DNAAF11: variants seen among roughly 807,000 people sequenced by gnomAD.
DNAAF11 encodes dynein axonemal assembly factor 11.
DNAAF11 carries 45 observed loss-of-function variants against 60.8 expected under a neutral mutation model. That is an observed-to-expected ratio of 0.74 (90% CI 0.58 to 0.95). The LOEUF is 0.95. Among genes scored for constraint, DNAAF11 ranks in the 40% least tolerant of loss-of-function variants. The pLI, the probability that DNAAF11 is intolerant of heterozygous loss-of-function variation, is 0.00. For synonymous variants in DNAAF11, 191 were observed against 183.5 expected (o/e 1.04, Z -0.33); for missense variants, 546 against 546.2 (o/e 1.00, Z 0.00).
intron 6 of DNAAF11, among the ~76,000 whole-genome samples, chr8:132,625,067 A>AT (rs1180984732): frequency 6.6e-6 from 1 of 152,214 alleles, no homozygotes; most frequent in Non-Finnish European, 1.5e-5. Context: ...CTAAAATGTC[A>AT]TAATTCATGA....
rs534473037 is a variant in DNAAF11 at position 132,584,271 on chromosome 8, T to C, written c.1141-492A>G. On this transcript the variant is annotated intron_variant, in intron 10 of 11. Coordinates refer to ENST00000620350, the MANE Select transcript of DNAAF11 (RefSeq NM_012472.6). ...AAAGGCCCCTTTTTGGTCTAAAAAG[T>C]CCTATAATTCTAATACTTTTAAAAC... Among the ~76,000 whole-genome samples, 6 of 152,280 alleles carry C rather than the reference T, an allele frequency of 3.9e-5. No individual in the cohort carries two copies. The South Asian group carries it at 1.0e-3, about 26-fold the overall frequency.
intron 3 of DNAAF11, among the ~76,000 whole-genome samples, chr8:132,644,108 T>G (rs1459695134): frequency 6.6e-6 from 1 of 152,146 alleles, no homozygotes; most frequent in Non-Finnish European, 1.5e-5. Context: ...AATACATATA[T>G]CAGCAAGCCT....
chr8:132,581,879 C>A (rs2733163), intron 11 of DNAAF11, among the ~76,000 whole-genome samples: 1 of 152,092 alleles, frequency 6.6e-6, no homozygotes, highest in African/African-American at 2.4e-5. Flanking sequence ...CAATAAATCC[C>A]TTCGTTTGGA....
Position 132,647,413 on chromosome 8 carries a change from C to G in DNAAF11, c.257-9306G>C, listed in dbSNP as rs958981637. Reference sequence around the variant, plus strand: ...AGCACTAAATGACCACAAGAGAAAGCAGAAAGATCTAAAATTGACACCCTA... The same window carrying G: ...AGCACTAAATGACCACAAGAGAAAGGAGAAAGATCTAAAATTGACACCCTA... On this transcript the variant is annotated intron_variant, in intron 3 of 11. Transcript: ENST00000620350. 3.9e-5 allele frequency among the ~76,000 whole-genome samples: 6 copies of G among 152,178 alleles called. No individual in the cohort carries two copies. The South Asian group carries it at 8.3e-4, about 21-fold the overall frequency.
chr8:132,652,056 C>G (rs189191404), intron 3 of DNAAF11, among the ~76,000 whole-genome samples: 1 of 152,192 alleles, frequency 6.6e-6, no homozygotes. Context: ...TCCATTTTTA[C>G]CCTAGTAGGC....
At chr8:132,600,317 G>A (rs1197417690) in intron 10 of DNAAF11, among the ~76,000 whole-genome samples, 1 of 152,144 alleles carries the variant, frequency 6.6e-6, no homozygotes, top group Non-Finnish European at 1.5e-5. Flanking sequence ...TGGATAGGAA[G>A]AATCAATATT....
chr8:132,632,373 G>T (rs2130449962), intron 5 of DNAAF11, among the ~76,000 whole-genome samples: 1 of 152,230 alleles, frequency 6.6e-6, no homozygotes, highest in African/African-American at 2.4e-5. Context: ...GTTTTATGAT[G>T]CAATTAGAAT....
chr8:132,655,159 G>A (rs1198252592), intron 3 of DNAAF11, among the ~76,000 whole-genome samples: 1 of 151,872 alleles, frequency 6.6e-6, no homozygotes, highest in Non-Finnish European at 1.5e-5. Flanking sequence ...GATAACCTAA[G>A]TGAAATAGAT....
At chr8:132,617,310 A>C (rs1819267792) in intron 7 of DNAAF11, among the ~76,000 whole-genome samples, 2 of 152,172 alleles carry the variant, frequency 1.3e-5, no homozygotes, top group African/African-American at 4.8e-5. Context: ...CAAAATCAAA[A>C]GGATCTGTCA....
intron 11 of DNAAF11, 94 bp downstream of exon 11, chr8:132,583,600 A>G (rs1460823243): frequency 4.3e-6 from 4 of 939,902 alleles, no homozygotes; most frequent in Non-Finnish European, 6.9e-6. Flanking sequence ...AGAACTTTAA[A>G]TAATTGTACA....
intron 7 of DNAAF11, among the ~76,000 whole-genome samples, chr8:132,620,425 C>A (rs1459282252): frequency 1.3e-5 from 2 of 152,160 alleles, no homozygotes; most frequent in Non-Finnish European, 2.9e-5. Context: ...ACCTCTGCCT[C>A]CCAGGTTCAA....
At chr8:132,596,332 T>G (rs1817016263) in intron 10 of DNAAF11, among the ~76,000 whole-genome samples, 1 of 152,208 alleles carries the variant, frequency 6.6e-6, no homozygotes, top group Non-Finnish European at 1.5e-5. Context: ...TGGCCTTGAG[T>G]AACCAGAGAG....
intron 6 of DNAAF11, among the ~76,000 whole-genome samples, chr8:132,623,375 A>G (rs1819947169): frequency 6.6e-6 from 1 of 152,174 alleles, no homozygotes; most frequent in African/African-American, 2.4e-5. Context: ...TTTTACAAAA[A>G]GACCCCAAAT....
the DNAAF11 span, among the ~76,000 whole-genome samples, chr8:132,700,384 G>GC: frequency 1.3e-5 from 2 of 152,056 alleles, no homozygotes; most frequent in African/African-American, 4.8e-5. Context: ...AAAAGAGTCT[G>GC]ATTGAGAGCT....
intron 5 of DNAAF11, among the ~76,000 whole-genome samples, chr8:132,626,042 C>T (rs1329377116): frequency 6.6e-6 from 1 of 150,668 alleles, no homozygotes; most frequent in Non-Finnish European, 1.5e-5. Flanking sequence ...GGACCTATGG[C>T]ACCTTCTTTT....
At chr8:132,661,848 T>C (rs1158474988) in intron 1 of DNAAF11, among the ~76,000 whole-genome samples, 1 of 152,188 alleles carries the variant, frequency 6.6e-6, no homozygotes, top group African/African-American at 2.4e-5. Flanking sequence ...CATGATGATA[T>C]TGTATTTGCC....
intron 10 of DNAAF11, among the ~76,000 whole-genome samples, chr8:132,584,845 C>G (rs1815722922): frequency 6.6e-6 from 1 of 152,142 alleles, no homozygotes; most frequent in Admixed American, 6.5e-5. Flanking sequence ...TAGGCCTGGA[C>G]TTCAAGGGTC....
intron 2 of DNAAF11, among the ~76,000 whole-genome samples, chr8:132,657,128 T>C (rs1823658307): frequency 6.6e-6 from 1 of 152,166 alleles, no homozygotes; most frequent in Non-Finnish European, 1.5e-5. Context: ...GTTTTGCTCA[T>C]GTCTTTACCT....
intron 11 of DNAAF11, chr8:132,578,618 C>A: frequency 3.0e-6 from 2 of 665,392 alleles, no homozygotes; most frequent in South Asian, 2.0e-5. Flanking sequence ...GAGATTCATT[C>A]CTTTTATCAA....
Sources: allele counts gnomAD v4.1 joint callset (sites outside exome capture counted in the v4.1 genomes callset), GRCh38; gene constraint gnomAD v4.1.1; transcripts MANE v1.5; gene names NCBI Gene and HGNC (gene_info 2026-07-23, HGNC 2026-07-21).